FRAS1: variants seen among roughly 807,000 people sequenced by gnomAD.
FRAS1 encodes the protein Fraser extracellular matrix complex subunit 1.
In FRAS1, 290 loss-of-function variants were observed where a neutral mutation model predicts 435.2. That is an observed-to-expected ratio of 0.67 (90% CI 0.61 to 0.73). The LOEUF (loss-of-function observed/expected upper bound fraction) is 0.73. Ranked by LOEUF, FRAS1 falls within the 30% of genes least tolerant of loss-of-function variation. The probability of loss-of-function intolerance (pLI) is 0.00; values close to 1 mark genes in which losing one functional copy is unlikely to be tolerated. For synonymous variants in FRAS1, 1,800 were observed against 1,851.0 expected, an observed-to-expected ratio of 0.97 and a Z score of 0.71; for missense variants, 4,860 against 5,001.5, an observed-to-expected ratio of 0.97 and a Z score of 0.85.
intron 2 of FRAS1, among the ~76,000 whole-genome samples, chr4:78,164,120 C>T (rs1721246843): frequency 6.6e-6 from 1 of 152,138 alleles, no homozygotes; most frequent in Non-Finnish European, 1.5e-5. Flanking sequence ...TGAAGACAAG[C>T]ATTAAGTCAA....
chr4:78,121,788 C>G (rs1239593553), intron 2 of FRAS1, among the ~76,000 whole-genome samples: 3 of 152,118 alleles, frequency 2.0e-5, no homozygotes, highest in South Asian at 4.1e-4. Flanking sequence ...TTCTTTTTGT[C>G]TCATAGCACG....
At chr4:78,496,036 A>C (rs1394442385) in intron 59 of FRAS1, among the ~76,000 whole-genome samples, 1 of 152,196 alleles carries the variant, frequency 6.6e-6, no homozygotes, top group Non-Finnish European at 1.5e-5. Flanking sequence ...TATCCTTTGC[A>C]ATATGTTAGA....
chr4:78,421,217 A>G (rs1346906136), intron 33 of FRAS1, among the ~76,000 whole-genome samples: 2 of 152,000 alleles, frequency 1.3e-5, no homozygotes, highest in African/African-American at 4.8e-5. Flanking sequence ...GTGCAATCTC[A>G]GCTCACTGCA....
At position 78,479,564 on chromosome 4, in the gene FRAS1, T is replaced by G. The variant is rs1560750685; in HGVS notation, c.8289T>G (p.Tyr2763Ter). Reference sequence around the variant, plus strand: ...TCATGCTTATTGATGACAGCGAGTATGAAGAGGAAGAAGAGTTTGAGATTG... The same window carrying G: ...TCATGCTTATTGATGACAGCGAGTAGGAAGAGGAAGAAGAGTTTGAGATTG... ...CDVMLIDDSE[Y>*]EEEEEFEIAL... Residue 2763 changes from tyrosine to a stop codon, truncating the protein, a stop_gained, in exon 56 of 74, where the codon TAT becomes TAG. Transcript: ENST00000512123. LOFTEE classifies it high-confidence loss of function. 6.2e-7 allele frequency: 1 copy of G among 1,613,948 alleles called. No homozygotes were observed. The highest frequency in any genetic ancestry group is 8.5e-7 in the Non-Finnish European group (1 of 1,179,830).
At chr4:78,204,154 A>G (rs1181736601) in intron 2 of FRAS1, among the ~76,000 whole-genome samples, 1 of 152,196 alleles carries the variant, frequency 6.6e-6, no homozygotes, top group African/African-American at 2.4e-5. Context: ...CACACATAAA[A>G]CAAGGTTATA....
intron 69 of FRAS1, among the ~76,000 whole-genome samples, chr4:78,523,431 G>A (rs1340956533): frequency 1.3e-5 from 2 of 152,024 alleles, no homozygotes; most frequent in Admixed American, 6.6e-5. Flanking sequence ...CAATATAGAG[G>A]TAGAATAGGA....
chr4:78,172,430 A>G (rs1721598418), intron 2 of FRAS1, among the ~76,000 whole-genome samples: 1 of 152,214 alleles, frequency 6.6e-6, no homozygotes, highest in African/African-American at 2.4e-5. Context: ...TCATTTAATG[A>G]AACAGCATAG....
chr4:78,540,476 T>A, intron 73 of FRAS1, 55 bp from the exon 74 acceptor site: 1 of 1,165,264 alleles, frequency 8.6e-7, no homozygotes, highest in Non-Finnish European at 1.2e-6. Context: ...TCCATTTCCT[T>A]TCTTCAGAGG....
At chr4:78,257,519 A>C (rs1389824026) in intron 6 of FRAS1, among the ~76,000 whole-genome samples, 1 of 152,148 alleles carries the variant, frequency 6.6e-6, no homozygotes, top group Non-Finnish European at 1.5e-5. Flanking sequence ...GTCTTCAAGG[A>C]TTTTCATGAT....
At chr4:78,460,890 T>C (rs545469670) in intron 47 of FRAS1, among the ~76,000 whole-genome samples, 1 of 152,344 alleles carries the variant, frequency 6.6e-6, no homozygotes, top group African/African-American at 2.4e-5. Context: ...CTGTATGTGC[T>C]CAATAGAACC....
At chr4:78,505,508 CT>C (rs2109879312) in intron 61 of FRAS1, among the ~76,000 whole-genome samples, 1 of 152,314 alleles carries the variant, frequency 6.6e-6, no homozygotes, top group Admixed American at 6.5e-5. Context: ...CTTTCTTCCA[CT>C]TGATTGAATT....
intron 2 of FRAS1, chr4:78,068,583 G>A: frequency 2.2e-6 from 1 of 456,268 alleles, no homozygotes; most frequent in Non-Finnish European, 4.4e-6. Flanking sequence ...AGGTGCCAGA[G>A]AGGAGGAATG....
chr4:78,376,894 G>A (rs993759376), intron 26 of FRAS1, among the ~76,000 whole-genome samples: 1 of 152,096 alleles, frequency 6.6e-6, no homozygotes, highest in African/African-American at 2.4e-5. Flanking sequence ...AGGAGGCTAA[G>A]GCAGGAGAAT....
intron 2 of FRAS1, among the ~76,000 whole-genome samples, chr4:78,130,198 AC>A (rs1314757975): frequency 6.6e-6 from 1 of 151,986 alleles, no homozygotes; most frequent in East Asian, 1.9e-4. Context: ...TTTCTGTCAT[AC>A]CTTCCGGTTT....
At chr4:78,503,071 G>A (rs1360018569) in intron 61 of FRAS1, among the ~76,000 whole-genome samples, 3 of 152,188 alleles carry the variant, frequency 2.0e-5, no homozygotes, top group Admixed American at 6.5e-5. Flanking sequence ...AAGCCAACAT[G>A]ATCGTGGTGG....
At chr4:78,103,042 C>T (rs1742211553) in intron 2 of FRAS1, among the ~76,000 whole-genome samples, 1 of 152,148 alleles carries the variant, frequency 6.6e-6, no homozygotes, top group Admixed American at 6.5e-5. Context: ...ACTGCTTTCT[C>T]TGCCTTTCCC....
At chr4:78,486,676 AAT>A (rs1166343320) in intron 58 of FRAS1, among the ~76,000 whole-genome samples, 1 of 152,030 alleles carries the variant, frequency 6.6e-6, no homozygotes, top group African/African-American at 2.4e-5. Flanking sequence ...TTACAACATA[AAT>A]CCCCTGTGCT....
At chr4:78,296,716 T>G (rs1430689013) in intron 14 of FRAS1, among the ~76,000 whole-genome samples, 1 of 152,192 alleles carries the variant, frequency 6.6e-6, no homozygotes, top group African/African-American at 2.4e-5. Flanking sequence ...TTCCCTTCCT[T>G]TCTAAGTGAG....
At chr4:78,317,164 C>T (rs1371344317) in intron 16 of FRAS1, among the ~76,000 whole-genome samples, 1 of 152,182 alleles carries the variant, frequency 6.6e-6, no homozygotes, top group East Asian at 1.9e-4. Flanking sequence ...AGCTAATAAG[C>T]AATATGTAGA....
Sources: allele counts gnomAD v4.1 joint callset (sites outside exome capture counted in the v4.1 genomes callset), GRCh38; gene constraint gnomAD v4.1.1; transcripts MANE v1.5; gene names NCBI Gene and HGNC (gene_info 2026-07-23, HGNC 2026-07-21).